Variants in ARL13A observed in about 807,000 individuals in gnomAD.
ARL13A encodes the protein ADP-ribosylation factor-like protein 13A.
A neutral mutation model predicts 19.1 loss-of-function variants in ARL13A; 16 were observed. The ratio of observed to expected loss-of-function variants is 0.84; its 90% confidence interval spans 0.57 to 1.27. The LOEUF (loss-of-function observed/expected upper bound fraction) is 1.27. Among genes scored for constraint, ARL13A ranks in the 50% most tolerant of loss-of-function variants. The probability of loss-of-function intolerance (pLI) is 0.00; values close to 1 mark genes in which losing one functional copy is unlikely to be tolerated. For missense variants in ARL13A, 153 were observed against 186.4 expected (o/e 0.82, Z 1.04); for synonymous variants, 69 against 71.3 (o/e 0.97, Z 0.17).
At chrX:100,990,097 T>C (rs1440515328) in intron 7 of ARL13A, among the ~76,000 whole-genome samples, 1 of 112,493 alleles carries the variant, frequency 8.9e-6, no homozygotes, top group Non-Finnish European at 1.9e-5. Context: ...AAAATTCCTG[T>C]GAAGAAGCCT....
At chrX:100,976,915 C>A (rs1407038378) in intron 3 of ARL13A, among the ~76,000 whole-genome samples, 2 of 112,453 alleles carry the variant, frequency 1.8e-5, no homozygotes, top group Admixed American at 1.9e-4. Flanking sequence ...ATGTTTTTTG[C>A]CAAGAACAGA....
At chrX:100,974,655 A>G (rs1390055325) in intron 3 of ARL13A, among the ~76,000 whole-genome samples, 1 of 111,858 alleles carries the variant, frequency 8.9e-6, no homozygotes, top group Non-Finnish European at 1.9e-5. Context: ...AAATTCTGTG[A>G]CAGCTAATAT....
intron 1 of ARL13A, among the ~76,000 whole-genome samples, chrX:100,970,706 G>GA (rs34718879): frequency 7.6e-4 from 78 of 102,288 alleles, no homozygotes; most frequent in Middle Eastern, 5.2e-3. Flanking sequence ...TCATTTGGTT[G>GA]AAAAAAAAAA....
intron 1 of ARL13A, among the ~76,000 whole-genome samples, chrX:100,973,409 G>A (rs1313157623): frequency 1.9e-5 from 2 of 104,072 alleles, no homozygotes; most frequent in Non-Finnish European, 2.0e-5. Flanking sequence ...CGCTCCTCCA[G>A]CCGCTGCCTC....
rs146761743 is a variant in ARL13A, at chrX:100,979,743, G to A, written c.130+5546G>A. 5.9e-3 allele frequency among the ~76,000 whole-genome samples: 658 copies of A among 111,527 alleles called. 1 individual carries two copies. Among genetic ancestry groups the A allele is most frequent in the South Asian group, 0.03 (79 of 2,611 alleles). On this transcript the variant is annotated intron_variant, in intron 3 of 7. Coordinates refer to ENST00000450049, the MANE Select transcript of ARL13A (RefSeq NM_001162491.2). ...TGTTTTTACCCATCCTTCTTGAGAAGGACTCAAAGGGAATTGAGTGTTGTC... is the reference window on the plus strand; with the variant it reads ...TGTTTTTACCCATCCTTCTTGAGAAAGACTCAAAGGGAATTGAGTGTTGTC...
chrX:100,985,887 TA>T lies in ARL13A; in HGVS notation c.355del (p.Arg119GlufsTer8), dbSNP rs767327219. 3.3e-6 allele frequency: 4 copies of T among 1,206,434 alleles called. No homozygotes were observed. In the African/African-American group the frequency reaches 5.3e-5, roughly 16 times the overall value. ...KIILTHLLSD[K>X]RVAGKPILIL... The stretch of plus-strand genomic sequence containing the variant: ...TCATCTTAACACATCTGCTGTCCGA[TA>T]AAAGAGTGGCAGGGAAACCCATCTT... On this transcript the variant is annotated frameshift_variant, in exon 4 of 8. Coordinates refer to ENST00000450049, the MANE Select transcript of ARL13A (RefSeq NM_001162491.2). LOFTEE classifies it high-confidence loss of function.
intron 7 of ARL13A, among the ~76,000 whole-genome samples, chrX:100,989,755 C>T (rs1454499393): frequency 8.9e-6 from 1 of 112,268 alleles, no homozygotes. Flanking sequence ...CCAAGATTGT[C>T]AACTGTCAAT....
chrX:100,977,619 G>C (rs1188115713), intron 3 of ARL13A, among the ~76,000 whole-genome samples: 1 of 110,992 alleles, frequency 9.0e-6, no homozygotes, highest in African/African-American at 3.3e-5. Context: ...GACATCAGGT[G>C]ATCTGCCTGC....
At chrX:100,988,665 G>A in intron 7 of ARL13A, 1 of 629,837 alleles carries the variant, frequency 1.6e-6, no homozygotes, top group South Asian at 3.9e-5. Flanking sequence ...TCACTCTATG[G>A]TTGGTGATTA....
chrX:100,975,516 T>C (rs1177580634), intron 3 of ARL13A, among the ~76,000 whole-genome samples: 4 of 111,821 alleles, frequency 3.6e-5, no homozygotes, highest in African/African-American at 1.3e-4. Flanking sequence ...CCTCTCTGTA[T>C]CTTTAGCCTG....
Position 100,987,478 on chromosome X carries a change from C to T in ARL13A, c.575C>T (p.Thr192Ile). The change falls in exon 6 of 8, where the codon ACT (threonine) becomes ATT (isoleucine). Residue 192 changes from threonine to isoleucine, a missense_variant. Thr to Ile is a moderately conservative substitution (Grantham distance 89, BLOSUM62 -1). Coordinates refer to ENST00000450049, the MANE Select transcript of ARL13A (RefSeq NM_001162491.2). ...CGCTGGCTATTAGCTGTCATTGATA[C>T]TTGCCAACTACCACCTACCTCGAGC... ...GLRWLLAVIDTCQLPPTSSIS... is the reference protein window; with the variant it reads ...GLRWLLAVIDICQLPPTSSIS... 1 of 1,211,324 alleles carries T rather than the reference C, an allele frequency of 8.3e-7. No individual in the cohort carries two copies. Among genetic ancestry groups the T allele is most frequent in the Non-Finnish European group, 1.1e-6 (1 of 895,176 alleles).
chrX:100,987,409 G>A lies in ARL13A; in HGVS notation c.506G>A (p.Arg169Lys). ...TCACAGGAGCCATGTTCAGCCATCA[G>A]AAACCTTGAAAGAAGAAACCATCAG... ...PCRVEPCSAI[R>K]NLERRNHQPI... is the part of the protein sequence containing the mutation. The change falls in exon 6 of 8, where the codon AGA (arginine) becomes AAA (lysine). Residue 169 changes from arginine (R) to lysine (K), a missense_variant. Transcript: ENST00000450049. 4 of 1,210,748 alleles carry A rather than the reference G, an allele frequency of 3.3e-6. No individual in the cohort carries two copies. Among genetic ancestry groups the A allele is most frequent in the Non-Finnish European group, 4.5e-6 (4 of 895,354 alleles).
chrX:100,990,569 A>G lies in ARL13A; in HGVS notation c.752A>G (p.Asn251Ser), dbSNP rs748752093. The stretch of plus-strand genomic sequence containing the variant: ...TGTATATCTATATTCTAGCCATCAA[A>G]TCAATCCTATACTCACTGAGAGGCT... Reference protein sequence around the residue: ...KPLKSILQPSNQSYTH With the variant: ...KPLKSILQPSSQSYTH The change falls in exon 8 of 8, where the codon AAT (asparagine) becomes AGT (serine). Residue 251 changes from asparagine (N) to serine (S), a missense_variant. Physicochemically the swap from Asn to Ser is conservative, Grantham distance 46. Transcript: ENST00000450049. 9.0e-5 allele frequency: 104 copies of G among 1,149,429 alleles called. No homozygotes were observed. The African/African-American group carries it at 1.7e-3, about 19-fold the overall frequency. The allele number at this position is 1,149,429 out of a possible 1,213,427, so 94.7% of individuals were successfully genotyped here.
At chrX:100,977,923 T>C (rs1169815732) in intron 3 of ARL13A, among the ~76,000 whole-genome samples, 6 of 112,189 alleles carry the variant, frequency 5.3e-5, no homozygotes, top group African/African-American at 1.9e-4. Context: ...GACTCTTAGG[T>C]TGCTTCCAAA....
At chrX:100,987,676 T>C in intron 6 of ARL13A, 120 bp downstream of exon 6, 1 of 795,301 alleles carries the variant, frequency 1.3e-6, no homozygotes, top group Non-Finnish European at 1.8e-6. Context: ...AGTCTCTTGA[T>C]ATCATTGGCT....
At chrX:100,970,725 A>G (rs1337765322) in intron 1 of ARL13A, among the ~76,000 whole-genome samples, 1 of 111,218 alleles carries the variant, frequency 9.0e-6, no homozygotes, top group Non-Finnish European at 1.9e-5. Context: ...AAAGCCTGGT[A>G]TAAGTAGACT....
chrX:100,981,648 G>GA (rs1280436693), intron 3 of ARL13A, among the ~76,000 whole-genome samples: 236 of 98,315 alleles, frequency 2.4e-3, no homozygotes, highest in African/African-American at 8.1e-3. Context: ...AAAAAAAAAA[G>GA]AAAAAAAAAA....
intron 7 of ARL13A, among the ~76,000 whole-genome samples, chrX:100,989,335 G>C (rs1485914245): frequency 9.0e-6 from 1 of 111,385 alleles, no homozygotes; most frequent in Non-Finnish European, 1.9e-5. Context: ...TTTTTGGCCA[G>C]GCGTAGTGGC....
intron 7 of ARL13A, 195 bp downstream of exon 7, chrX:100,988,478 A>G: frequency 8.4e-7 from 1 of 1,188,333 alleles, no homozygotes; most frequent in Non-Finnish European, 1.1e-6. Context: ...ATGAGAGCTC[A>G]GAATACTACG....
Sources: allele counts gnomAD v4.1 joint callset (sites outside exome capture counted in the v4.1 genomes callset), GRCh38; gene constraint gnomAD v4.1.1; transcripts MANE v1.5; gene names NCBI Gene and HGNC (gene_info 2026-07-23, HGNC 2026-07-21).